ADCY1: variants seen among roughly 807,000 people sequenced by gnomAD.
ADCY1 encodes the protein adenylate cyclase 1.
In ADCY1, 28 loss-of-function variants were observed where a neutral mutation model predicts 105.4. The ratio of observed to expected loss-of-function variants is 0.27; its 90% confidence interval spans 0.20 to 0.36. The LOEUF is 0.36. ADCY1 is among the 10% of genes least tolerant of loss of function. The pLI, the probability that ADCY1 is intolerant of heterozygous loss-of-function variation, is 1.00. For synonymous variants in ADCY1, 655 were observed against 623.8 expected, an observed-to-expected ratio of 1.05 and a Z score of -0.75; for missense variants, 977 against 1,434.2, an observed-to-expected ratio of 0.68 and a Z score of 5.15.
At chr7:45,671,164 A>G (rs1784358014) in intron 8 of ADCY1, among the ~76,000 whole-genome samples, 1 of 152,176 alleles carries the variant, frequency 6.6e-6, no homozygotes, top group Admixed American at 6.5e-5. Context: ...ACCTGGAATC[A>G]TCCCTCTAAA....
intron 6 of ADCY1, among the ~76,000 whole-genome samples, chr7:45,659,068 C>T (rs775003374): frequency 3.3e-5 from 5 of 152,196 alleles, no homozygotes; most frequent in Non-Finnish European, 7.4e-5. Flanking sequence ...GGCCCCTTTG[C>T]AGCCTCTCTT....
intron 8 of ADCY1, among the ~76,000 whole-genome samples, chr7:45,673,259 C>T (rs979719570): frequency 6.6e-6 from 1 of 151,958 alleles, no homozygotes. Context: ...GTACTATCTT[C>T]GTCTGGTGTT....
At chr7:45,607,202 C>A (rs995524895) in intron 2 of ADCY1, among the ~76,000 whole-genome samples, 1 of 152,294 alleles carries the variant, frequency 6.6e-6, no homozygotes, top group East Asian at 1.9e-4. Context: ...GTGACAGTGG[C>A]TTACAGAAGT....
chr7:45,574,257 C>A (rs1487376216), upstream of ADCY1: 2 of 572,850 alleles, frequency 3.5e-6, no homozygotes, highest in East Asian at 1.5e-4. This position sits in a 1 kb window ranked among gnomAD's most constrained non-coding sequence, Gnocchi z 7.0. Context: ...GCGGGCTGTG[C>A]GCGCCCAGGT....
At chr7:45,699,188 G>A (rs538591264) in intron 14 of ADCY1, among the ~76,000 whole-genome samples, 3 of 152,318 alleles carry the variant, frequency 2.0e-5, no homozygotes, top group African/African-American at 7.2e-5. Flanking sequence ...AGTAAGAGGA[G>A]TGACCAAAGG....
At chr7:45,574,190 T>C (rs1792241508), upstream of ADCY1, 1 of 963,662 alleles carries the variant, frequency 1.0e-6, no homozygotes, top group African/African-American at 1.8e-5. The surrounding 1 kb of genome is among the most constrained non-coding windows in gnomAD (Gnocchi z 7.0). Flanking sequence ...ACAAGGAAGG[T>C]ACTCGAGGTC....
Position 45,721,916 on chromosome 7 carries a change from A to G in ADCY1, c.*7921A>G, listed in dbSNP as rs953689657. ...TGTTTAAACAGACATAATAGCCTAG[A>G]TGAACTCCCAAGAGATCTATTAAAT... On this transcript the variant is annotated 3_prime_UTR_variant, in exon 20 of 20. Coordinates refer to ENST00000297323, the MANE Select transcript of ADCY1 (RefSeq NM_021116.4). 6 of 398,546 alleles carry G rather than the reference A, an allele frequency of 1.5e-5. No individual in the cohort carries two copies. The highest frequency in any genetic ancestry group is 2.2e-5 in the Non-Finnish European group (5 of 226,066). 24.7% of individuals were successfully genotyped at this position (398,546 alleles called of 1,614,324 possible). A position where few individuals can be genotyped will look rare whatever the true frequency, so the allele number is the denominator to read the frequency against.
At chr7:45,643,038 G>A (rs73318990) in intron 4 of ADCY1, among the ~76,000 whole-genome samples, 2,611 of 151,240 alleles carry the variant, frequency 0.017, 61 homozygotes, top group African/African-American at 0.051. Context: ...ATCGATTGCC[G>A]TCTTTTTTAT....
rs766586537 is a variant in ADCY1, at chr7:45,713,972, G to A, written c.3337G>A (p.Ala1113Thr). The A allele has an allele frequency of 1.4e-5, 11 of 777,324 alleles. No individual in the cohort carries two copies. In the East Asian group the frequency reaches 2.7e-4, roughly 19 times the overall value. 48.2% of individuals were successfully genotyped at this position (777,324 alleles called of 1,614,324 possible). The change falls in exon 20 of 20, where the codon GCA (alanine) becomes ACA (threonine). Residue 1113 changes from alanine (A) to threonine (T), a missense_variant. This residue lies in a region of ADCY1 where 78 missense variants were observed against 60.0 expected (regional missense o/e 1.30). Coordinates refer to ENST00000297323, the MANE Select transcript of ADCY1 (RefSeq NM_021116.4). ...PHSPGQYLPS[A>T]AAGKEA ...CTCCCCAGGCCAGTACCTGCCCTCTGCAGCAGCTGGGAAGGAGGCTTAGTG... is the reference window on the plus strand; with the variant it reads ...CTCCCCAGGCCAGTACCTGCCCTCTACAGCAGCTGGGAAGGAGGCTTAGTG...
At position 45,591,411 on chromosome 7, in the gene ADCY1, C is replaced by T. The variant is rs1049086029; in HGVS notation, c.640-1348C>T. On this transcript the variant is annotated intron_variant, in intron 1 of 19. Coordinates refer to ENST00000297323, the MANE Select transcript of ADCY1 (RefSeq NM_021116.4). The surrounding 1 kb of genome is among the most constrained non-coding windows in gnomAD (Gnocchi z 4.1). Reference sequence around the variant, plus strand: ...GGTCCCCGTCAGGTGGCAGCTGCTCCCCACACTACTGTGTGAGTTTGTTTT... The same window carrying T: ...GGTCCCCGTCAGGTGGCAGCTGCTCTCCACACTACTGTGTGAGTTTGTTTT... Among the ~76,000 whole-genome samples, 3 of 152,346 alleles carry T rather than the reference C, an allele frequency of 2.0e-5. No homozygotes were observed. The highest frequency in any genetic ancestry group is 4.4e-5 in the Non-Finnish European group (3 of 68,030).
At chr7:45,625,678 G>A (rs1056997649) in intron 4 of ADCY1, among the ~76,000 whole-genome samples, 2 of 152,162 alleles carry the variant, frequency 1.3e-5, no homozygotes, top group African/African-American at 4.8e-5. Context: ...GTATGTGCAT[G>A]TGTGTGTACC....
Position 45,704,973 on chromosome 7 carries a change from T to C in ADCY1, c.2817+357T>C, listed in dbSNP as rs949796021. ...TTCCTCCCTGCTTGCCCCTCTCTTC[T>C]CCTCCCATCAGCCTTGCACTCTCCT... On this transcript the variant is annotated intron_variant, in intron 17 of 19. Coordinates refer to ENST00000297323, the MANE Select transcript of ADCY1 (RefSeq NM_021116.4). Among the ~76,000 whole-genome samples the C allele has an allele frequency of 1.4e-4, 20 of 141,242 alleles. 1 individual carries two copies. The highest frequency in any genetic ancestry group is 1.4e-3 in the Admixed American group (19 of 13,886). The allele number at this position is 141,242 out of a possible 152,430, so 92.7% of individuals were successfully genotyped here. A position where few individuals can be genotyped will look rare whatever the true frequency, so the allele number is the denominator to read the frequency against.
At chr7:45,700,907 T>G (rs1784984244) in intron 14 of ADCY1, among the ~76,000 whole-genome samples, 2 of 152,238 alleles carry the variant, frequency 1.3e-5, no homozygotes, top group Admixed American at 6.5e-5. Flanking sequence ...TTATGCTGTT[T>G]GTTATTTTGT....
intron 1 of ADCY1, among the ~76,000 whole-genome samples, chr7:45,590,689 T>A (rs1792888571): frequency 6.6e-6 from 1 of 152,048 alleles, no homozygotes; most frequent in South Asian, 2.1e-4. Flanking sequence ...CATGGAGATC[T>A]TCAGGGTCAT....
chr7:45,690,228 G>T (rs1248853040), intron 14 of ADCY1, among the ~76,000 whole-genome samples: 2 of 152,156 alleles, frequency 1.3e-5, no homozygotes, highest in Non-Finnish European at 2.9e-5. Flanking sequence ...TCTCCAGGGG[G>T]CTGTGCATGT....
rs1025000823 is a variant in ADCY1, at chr7:45,722,983, T to A, written c.*8988T>A. ...TGAATAATTTGTCCTATTTTTATTT[T>A]AAAAAAAGTGAATGGACTGAAATGT... On this transcript the variant is annotated 3_prime_UTR_variant, in exon 20 of 20. Transcript: ENST00000297323. The A allele has an allele frequency of 1.9e-4, 29 of 152,720 alleles. No homozygotes were observed. The highest frequency in any genetic ancestry group is 4.2e-4 in the South Asian group (2 of 4,818). 9.5% of individuals were successfully genotyped at this position (152,720 alleles called of 1,614,324 possible).
intron 2 of ADCY1, among the ~76,000 whole-genome samples, chr7:45,593,931 G>T (rs1792998717): frequency 6.6e-6 from 1 of 152,230 alleles, no homozygotes; most frequent in Admixed American, 6.5e-5. Flanking sequence ...TGTCCATGTG[G>T]ATGTTATGTG....
chr7:45,585,573 T>C (rs578235207), intron 1 of ADCY1, among the ~76,000 whole-genome samples: 8 of 151,972 alleles, frequency 5.3e-5, no homozygotes, highest in African/African-American at 1.9e-4. Flanking sequence ...CCTAGCCTCC[T>C]GAGTAGTTGG....
At position 45,662,193 on chromosome 7, in the gene ADCY1, G is replaced by A; in HGVS notation, c.1584G>A (p.Met528Ile). The A allele has an allele frequency of 1.2e-6, 2 of 1,613,448 alleles. No individual in the cohort carries two copies. Among genetic ancestry groups the A allele is most frequent in the Non-Finnish European group, 1.7e-6 (2 of 1,179,850 alleles). Residue 528 changes from methionine to isoleucine, a missense_variant, in exon 8 of 20, where the codon ATG becomes ATA. Physicochemically the swap from Met to Ile is conservative, Grantham distance 10. Transcript: ENST00000297323. ...CCGAGATCCCCTTCTCCAATGTCAT[G>A]ACCTGCGAGGACGATGACAAGGTAG... ...FKAEIPFSNV[M>I]TCEDDDKRRA...
Sources: allele counts gnomAD v4.1 joint callset (sites outside exome capture counted in the v4.1 genomes callset), GRCh38; gene constraint gnomAD v4.1.1; regional missense constraint gnomAD v4.1.1; non-coding constraint Gnocchi (gnomAD v3.1); transcripts MANE v1.5; gene names NCBI Gene and HGNC (gene_info 2026-07-23, HGNC 2026-07-21).